FDFT1: variants seen among roughly 807,000 people sequenced by gnomAD.
The protein encoded by FDFT1 is squalene synthase.
In FDFT1, 68 loss-of-function variants were observed where a neutral mutation model predicts 46.8. The ratio of observed to expected loss-of-function variants is 1.45; its 90% CI spans 1.19 to 1.78. The LOEUF is 1.78. Among genes scored for constraint, FDFT1 ranks in the 40% most tolerant of loss-of-function variants. The probability of loss-of-function intolerance (pLI) is 0.00; values close to 1 mark genes in which losing one functional copy is unlikely to be tolerated. For synonymous variants in FDFT1, 351 were observed against 185.1 expected (o/e 1.90, Z -7.28); for missense variants, 928 against 524.4 (o/e 1.77, Z -7.52).
At chr8:11,805,296 G>A (rs962601924) in intron 1 of FDFT1, among the ~76,000 whole-genome samples, 20 of 152,120 alleles carry the variant, frequency 1.3e-4, no homozygotes, top group Admixed American at 2.0e-4. Context: ...GAAGCATTTG[G>A]CTATAGAATT....
At chr8:11,824,822 A>G (rs1466007169) in intron 4 of FDFT1, among the ~76,000 whole-genome samples, 1 of 151,546 alleles carries the variant, frequency 6.6e-6, no homozygotes. Context: ...TGCAAGCTCC[A>G]CCTCCTGGGT....
At chr8:11,821,290 A>T (rs570804884) in intron 3 of FDFT1, among the ~76,000 whole-genome samples, 108 of 152,356 alleles carry the variant, frequency 7.1e-4, no homozygotes, top group African/African-American at 2.0e-3. Flanking sequence ...TATGAAATTT[A>T]TGAAATAATA....
intron 7 of FDFT1, among the ~76,000 whole-genome samples, chr8:11,837,455 C>T (rs183346690): frequency 9.2e-5 from 14 of 152,264 alleles, no homozygotes; most frequent in East Asian, 7.7e-4. Flanking sequence ...TGGTCTTAAA[C>T]GCCTGAGCTT....
rs925634615 is a variant in FDFT1, at chr8:11,809,025, G to A, written c.197+134G>A. 24 of 1,392,410 alleles carry A rather than the reference G, an allele frequency of 1.7e-5. No homozygotes were observed. In the African/African-American group the frequency reaches 3.3e-4, roughly 19 times the overall value. 86.3% of individuals were successfully genotyped at this position (1,392,410 alleles called of 1,614,324 possible). On this transcript the variant is annotated intron_variant, in intron 2 of 7. Transcript: ENST00000220584. ...TGTGGCTTATCCAGAACATAGCCCG[G>A]CCCTACGTGTTTACTTTAGAAAGCC... is the stretch of plus-strand genomic sequence containing the variant.
chr8:11,810,409 GC>G (rs2130732533), intron 3 of FDFT1, among the ~76,000 whole-genome samples: 1 of 152,308 alleles, frequency 6.6e-6, no homozygotes, highest in African/African-American at 2.4e-5. Context: ...TCTGTTGGCA[GC>G]TAGGGCGAGC....
rs1000917064 is a variant in FDFT1, at chr8:11,822,033, T to C, written c.510+155T>C. Among the ~76,000 whole-genome samples, 34 of 152,216 alleles carry C rather than the reference T, an allele frequency of 2.2e-4. 1 individual carries two copies. The highest frequency in any genetic ancestry group is 2.1e-3 in the Admixed American group (32 of 15,278). ...GTTGAATGTCTCATCATAAACAGTT[T>C]ATTCCAGAGTTAATTCCAAACCAGC... On this transcript the variant is annotated intron_variant, in intron 4 of 7. Transcript: ENST00000220584.
intron 7 of FDFT1, among the ~76,000 whole-genome samples, chr8:11,837,155 A>G (rs1230987209): frequency 6.6e-6 from 1 of 152,226 alleles, no homozygotes; most frequent in Admixed American, 6.5e-5. Flanking sequence ...TTCCAGAGAG[A>G]AGGAGTGGTA....
chr8:11,803,246 C>T, intron 1 of FDFT1: 4 of 1,373,838 alleles, frequency 2.9e-6, no homozygotes, highest in Non-Finnish European at 3.8e-6. Flanking sequence ...CCGAGGGTTA[C>T]ACATCTGAGG....
intron 7 of FDFT1, among the ~76,000 whole-genome samples, chr8:11,833,697 T>C (rs1811173052): frequency 6.6e-6 from 1 of 152,210 alleles, no homozygotes; most frequent in African/African-American, 2.4e-5. Context: ...TTTGCTTCTT[T>C]GTCTTCTGTG....
chr8:11,831,864 A>C, intron 7 of FDFT1, 194 bp downstream of exon 7: 1 of 553,380 alleles, frequency 1.8e-6, no homozygotes, highest in East Asian at 3.0e-5. Context: ...ACTGCTGTGT[A>C]GTACCCTGGT....
chr8:11,819,998 C>G (rs1236784748), intron 3 of FDFT1, among the ~76,000 whole-genome samples: 5 of 152,224 alleles, frequency 3.3e-5, no homozygotes, highest in Non-Finnish European at 5.9e-5. Flanking sequence ...TACCTTTGGT[C>G]TTTGATTTTG....
intron 4 of FDFT1, among the ~76,000 whole-genome samples, chr8:11,824,895 C>CT (rs1809754081): frequency 6.6e-6 from 1 of 152,008 alleles, no homozygotes; most frequent in African/African-American, 2.4e-5. Context: ...GCCACCAGGC[C>CT]AGCTAATTTT....
intron 5 of FDFT1, among the ~76,000 whole-genome samples, chr8:11,827,745 T>C (rs1318522743): frequency 6.6e-6 from 1 of 152,072 alleles, no homozygotes; most frequent in African/African-American, 2.4e-5. Context: ...AAAATTCACA[T>C]TTAAACTACT....
intron 1 of FDFT1, chr8:11,803,763 G>C (rs1301384212): frequency 5.4e-6 from 1 of 183,860 alleles, no homozygotes; most frequent in Admixed American, 5.5e-5. Flanking sequence ...CTGAACATCG[G>C]AGTCTTTCTT....
At chr8:11,815,906 C>T (rs1053133533) in intron 3 of FDFT1, among the ~76,000 whole-genome samples, 53 of 152,114 alleles carry the variant, frequency 3.5e-4, no homozygotes, top group African/African-American at 1.2e-3. Context: ...CTTTTGTTGC[C>T]ATTGCTTTTG....
At position 11,813,886 on chromosome 8, in the gene FDFT1, G is replaced by A. The variant is rs571688864; in HGVS notation, c.381+4036G>A. Among the ~76,000 whole-genome samples, 73 of 150,534 alleles carry A rather than the reference G, an allele frequency of 4.8e-4. 1 individual carries two copies. Among genetic ancestry groups the A allele is most frequent in the African/African-American group, 1.6e-3 (63 of 40,494 alleles). ...ACATATGAAACTGGGCACTGAGTGC[G>A]GAGTCAGGAAAGCCCTGTCCATCCT... is the stretch of plus-strand genomic sequence containing the variant. On this transcript the variant is annotated intron_variant, in intron 3 of 7. Coordinates refer to ENST00000220584, the MANE Select transcript of FDFT1 (RefSeq NM_004462.5).
intron 3 of FDFT1, among the ~76,000 whole-genome samples, chr8:11,819,200 T>A (rs1298442543): frequency 6.6e-6 from 1 of 152,222 alleles, no homozygotes; most frequent in Non-Finnish European, 1.5e-5. Context: ...GCTAGTAGGG[T>A]TTCTGCTGAG....
At chr8:11,816,754 T>C (rs550844549) in intron 3 of FDFT1, among the ~76,000 whole-genome samples, 69 of 152,366 alleles carry the variant, frequency 4.5e-4, no homozygotes, top group African/African-American at 1.6e-3. Flanking sequence ...GCTTATCAGC[T>C]TAAGGAGATT....
chr8:11,809,275 T>G, intron 2 of FDFT1: 10 of 1,104,446 alleles, frequency 9.1e-6, no homozygotes, highest in Non-Finnish European at 1.1e-5. Flanking sequence ...ACCCATGAAC[T>G]TAGACCAGTT....
Sources: allele counts gnomAD v4.1 joint callset (sites outside exome capture counted in the v4.1 genomes callset), GRCh38; gene constraint gnomAD v4.1.1; transcripts MANE v1.5; gene names NCBI Gene and HGNC (gene_info 2026-07-23, HGNC 2026-07-21).